Variants in C1orf94 observed in about 807,000 individuals in gnomAD.
The protein encoded by C1orf94 is uncharacterized protein C1orf94.
In C1orf94, 45 loss-of-function variants were observed where a neutral mutation model predicts 53.6. The observed-to-expected ratio is 0.84, with a 90% CI of 0.66 to 1.08. The LOEUF is 1.08. Among genes scored for constraint, C1orf94 ranks in the 50% least tolerant of loss-of-function variants. The pLI is 0.00. For missense variants in C1orf94, 762 were observed against 738.9 expected, an observed-to-expected ratio of 1.03 and a Z score of -0.36; for synonymous variants, 304 against 296.1, an observed-to-expected ratio of 1.03 and a Z score of -0.27.
intron 5 of C1orf94, among the ~76,000 whole-genome samples, chr1:34,211,033 A>T (rs1642880561): frequency 6.6e-6 from 1 of 151,746 alleles, no homozygotes; most frequent in Non-Finnish European, 1.5e-5. Context: ...GAGCACTTGG[A>T]CCCCAGACTT....
At chr1:34,173,666 A>G (rs369769826), upstream of C1orf94, among the ~76,000 whole-genome samples, 8 of 152,344 alleles carry the variant, frequency 5.3e-5, no homozygotes, top group Middle Eastern at 3.4e-3. Flanking sequence ...ATCGTAAAAC[A>G]AGTCTATGAG....
At chr1:34,214,659 C>T (rs925259169) in intron 6 of C1orf94, among the ~76,000 whole-genome samples, 2 of 152,142 alleles carry the variant, frequency 1.3e-5, no homozygotes, top group African/African-American at 2.4e-5. Flanking sequence ...CCTCAGTCAG[C>T]TTTCGGGAAC....
chr1:34,204,519 A>T (rs375771445), intron 4 of C1orf94, among the ~76,000 whole-genome samples: 4 of 152,162 alleles, frequency 2.6e-5, no homozygotes, highest in African/African-American at 9.7e-5. Context: ...GTCCTTACAC[A>T]GGTCTTGAAA....
At chr1:34,217,909 C>G (rs2148625228) in intron 6 of C1orf94, among the ~76,000 whole-genome samples, 2 of 152,314 alleles carry the variant, frequency 1.3e-5, no homozygotes, top group Middle Eastern at 6.8e-3. Flanking sequence ...CCCATTCATT[C>G]AAAGTATCTG....
At position 34,214,656 on chromosome 1, in the gene C1orf94, C is replaced by A. The variant is rs981055783; in HGVS notation, c.1721+2250C>A. Among the ~76,000 whole-genome samples, 4 of 152,142 alleles carry A rather than the reference C, an allele frequency of 2.6e-5. 1 individual carries two copies. In the South Asian group the frequency reaches 6.2e-4, roughly 24 times the overall value. ...AGGGTGGTCTCAATGTCTCCTCAGT[C>A]AGCTTTCGGGAACCACCGACTGGGA... On this transcript the variant is annotated intron_variant, in intron 6 of 6. Coordinates refer to ENST00000488417, the MANE Select transcript of C1orf94 (RefSeq NM_001134734.2).
At chr1:34,201,659 C>A (rs941458797) in intron 3 of C1orf94, among the ~76,000 whole-genome samples, 1 of 152,158 alleles carries the variant, frequency 6.6e-6, no homozygotes, top group African/African-American at 2.4e-5. Context: ...AATATATGTC[C>A]TTAGGGAGGG....
chr1:34,206,510 C>A (rs1334811746), intron 4 of C1orf94, among the ~76,000 whole-genome samples: 1 of 152,224 alleles, frequency 6.6e-6, no homozygotes, highest in African/African-American at 2.4e-5. Context: ...ATGCCGTGCA[C>A]ACACACAATT....
intron 4 of C1orf94, among the ~76,000 whole-genome samples, chr1:34,206,247 A>G (rs1419942648): frequency 6.6e-6 from 1 of 152,152 alleles, no homozygotes; most frequent in Non-Finnish European, 1.5e-5. Flanking sequence ...TGCTGTCCCT[A>G]CTGTATGGGC....
chr1:34,169,372 C>T (rs1047492981), intron 1 of C1orf94, among the ~76,000 whole-genome samples: 1 of 152,100 alleles, frequency 6.6e-6, no homozygotes, highest in African/African-American at 2.4e-5. Flanking sequence ...AACAGGCAGT[C>T]GTGGGTTGAG....
intron 4 of C1orf94, among the ~76,000 whole-genome samples, chr1:34,204,764 T>A (rs535485450): frequency 2.5e-4 from 38 of 152,240 alleles, no homozygotes; most frequent in Middle Eastern, 3.4e-3. Flanking sequence ...TGTGGTGGCA[T>A]GTGCCTGGAG....
At chr1:34,184,350 G>A (rs142941438) in intron 1 of C1orf94, among the ~76,000 whole-genome samples, 6 of 152,292 alleles carry the variant, frequency 3.9e-5, no homozygotes, top group African/African-American at 1.2e-4. Context: ...GTGACCGGGA[G>A]AAGGTGGCTC....
At chr1:34,198,590 G>A (rs1642642949) in intron 2 of C1orf94, among the ~76,000 whole-genome samples, 1 of 152,236 alleles carries the variant, frequency 6.6e-6, no homozygotes, top group Non-Finnish European at 1.5e-5. Flanking sequence ...TAGGCTGATG[G>A]CCATGGCCAT....
chr1:34,187,600 C>A (rs2148614056), intron 1 of C1orf94, among the ~76,000 whole-genome samples: 1 of 150,214 alleles, frequency 6.7e-6, no homozygotes, highest in African/African-American at 2.5e-5. Flanking sequence ...AAAAAAAAAA[C>A]ACCTCTTCCT....
At chr1:34,192,917 T>A (rs940729008) in intron 1 of C1orf94, among the ~76,000 whole-genome samples, 13 of 152,044 alleles carry the variant, frequency 8.6e-5, no homozygotes, top group Non-Finnish European at 1.8e-4. Flanking sequence ...GGGGCCAATT[T>A]GTGTAGGGCA....
chr1:34,206,633 C>T (rs75553901), intron 4 of C1orf94, among the ~76,000 whole-genome samples: 7,482 of 152,230 alleles, frequency 0.049, 292 homozygotes, highest in African/African-American at 0.11. Flanking sequence ...TCAGAGGAGG[C>T]GGCGAAACAG....
chr1:34,195,200 G>T (rs1395421345), intron 1 of C1orf94, among the ~76,000 whole-genome samples: 1 of 152,184 alleles, frequency 6.6e-6, no homozygotes, highest in Non-Finnish European at 1.5e-5. Context: ...GCCGGGACCA[G>T]CCCACACTAG....
chr1:34,200,983 G>T lies in C1orf94; in HGVS notation c.1221G>T (p.Gly407=). 1 of 1,612,850 alleles carries T rather than the reference G, an allele frequency of 6.2e-7. No individual in the cohort carries two copies. Among genetic ancestry groups the T allele is most frequent in the Non-Finnish European group, 8.5e-7 (1 of 1,179,426 alleles). Residue 407 remains glycine, a synonymous_variant, in exon 3 of 7, where the codon GGG becomes GGT. Coordinates refer to ENST00000488417, the MANE Select transcript of C1orf94 (RefSeq NM_001134734.2). The stretch of plus-strand genomic sequence containing the variant: ...TTGGGGCCACCAAGAACCCAAGCGG[G>T]CAGCCGAGACTTCGAAACAAAGTGG... The part of the protein sequence containing the change: ...EFLGATKNPS[G]QPRLRNKVEV...
chr1:34,179,650 C>A (rs918501441), intron 1 of C1orf94, among the ~76,000 whole-genome samples: 2 of 152,200 alleles, frequency 1.3e-5, no homozygotes, highest in Non-Finnish European at 2.9e-5. Flanking sequence ...TAATGAGGAT[C>A]CAATGTGATG....
chr1:34,195,198 C>T (rs566253238), intron 1 of C1orf94, among the ~76,000 whole-genome samples: 1 of 152,286 alleles, frequency 6.6e-6, no homozygotes, highest in East Asian at 1.9e-4. Flanking sequence ...TGGCCGGGAC[C>T]AGCCCACACT....
Sources: gnomAD v4.1 joint callset for allele counts (sites outside exome capture counted in the v4.1 genomes callset) on GRCh38, gnomAD v4.1.1 for gene constraint, MANE v1.5 for transcripts, NCBI Gene and HGNC (gene_info 2026-07-23, HGNC 2026-07-21) for gene names.